Variants in SESTD1 observed in about 807,000 individuals in gnomAD.
The protein encoded by SESTD1 is SEC14 domain and spectrin repeat-containing protein 1.
A neutral mutation model predicts 101.7 loss-of-function variants in SESTD1; 43 were observed. The ratio of observed to expected loss-of-function variants is 0.42; its 90% CI spans 0.33 to 0.55. The LOEUF (loss-of-function observed/expected upper bound fraction) is 0.55. Among genes scored for constraint, SESTD1 ranks in the 20% least tolerant of loss-of-function variants. SESTD1 has a pLI of 0.07. For synonymous variants in SESTD1, 283 were observed against 286.8 expected (o/e 0.99, Z 0.13); for missense variants, 647 against 815.1 (o/e 0.79, Z 2.51).
intron 1 of SESTD1, among the ~76,000 whole-genome samples, chr2:179,256,669 G>A (rs934967849): frequency 5.3e-5 from 8 of 151,972 alleles, no homozygotes; most frequent in African/African-American, 9.7e-5. Context: ...AAAATGAGCC[G>A]GGCATGGTGG....
rs1453150629 is a variant in SESTD1, at chr2:179,264,790, G to A, written c.-317C>T. On this transcript the variant is annotated 5_prime_UTR_variant, in exon 1 of 18. Coordinates refer to ENST00000428443, the MANE Select transcript of SESTD1 (RefSeq NM_178123.5). ...TCCGCGCGACCCCGCGCGCGCCCGG[G>A]TGACGGCGGTACAGCAACCCGCCCG... 1 of 151,724 alleles carries A rather than the reference G, an allele frequency of 6.6e-6. No individual in the cohort carries two copies. 9.4% of individuals were successfully genotyped at this position (151,724 alleles called of 1,614,324 possible). A position where few individuals can be genotyped will look rare whatever the true frequency, so the allele number is the denominator to read the frequency against.
At chr2:179,117,839 A>G (rs1027680512) in intron 13 of SESTD1, among the ~76,000 whole-genome samples, 36 of 152,244 alleles carry the variant, frequency 2.4e-4, no homozygotes, top group African/African-American at 8.7e-4. Flanking sequence ...AAACCCTCTT[A>G]AAGATAGCAT....
At position 179,172,136 on chromosome 2, in the gene SESTD1, T is replaced by G; in HGVS notation, c.353A>C (p.Asp118Ala). The stretch of plus-strand genomic sequence containing the variant: ...TACATTTACCTCAAAGCCAAGTCTA[T>G]CCTTCTCCTTCCAAAAACAAAAATG... ...VTHFCFWKEK[D>A]RLGFEVILVS... The change falls in exon 5 of 18, where the codon GAT becomes GCT. Residue 118 changes from aspartate to alanine, a missense_variant. Asp to Ala is a moderately radical substitution (Grantham distance 126). Coordinates refer to ENST00000428443, the MANE Select transcript of SESTD1 (RefSeq NM_178123.5). 1.2e-6 allele frequency: 2 copies of G among 1,607,278 alleles called. No homozygotes were observed. The highest frequency in any genetic ancestry group is 1.7e-6 in the Non-Finnish European group (2 of 1,174,988).
intron 1 of SESTD1, among the ~76,000 whole-genome samples, chr2:179,253,061 A>C (rs2047341516): frequency 6.6e-6 from 1 of 152,144 alleles, no homozygotes; most frequent in African/African-American, 2.4e-5. Context: ...GGCTAGGCTG[A>C]CCTCACAGAC....
In SESTD1 at chr2:179,104,210, G is replaced by C. The variant is rs370485142; in HGVS notation, c.*5689C>G. On this transcript the variant is annotated 3_prime_UTR_variant, in exon 18 of 18. Coordinates refer to ENST00000428443, the MANE Select transcript of SESTD1 (RefSeq NM_178123.5). ...CTCTTAAAGGCTTCTGAGACTATTC[G>C]TAAGTGTGATGTGAGCAATCAGTTC... The C allele has an allele frequency of 4.6e-5, 7 of 152,130 alleles. No individual in the cohort carries two copies. The highest frequency in any genetic ancestry group is 2.1e-4 in the South Asian group (1 of 4,830). The allele number at this position is 152,130 out of a possible 1,614,324, so 9.4% of individuals were successfully genotyped here. A position where few individuals can be genotyped will look rare whatever the true frequency, so the allele number is the denominator to read the frequency against.
At chr2:179,119,182 A>T (rs1009786275) in intron 13 of SESTD1, among the ~76,000 whole-genome samples, 4 of 152,240 alleles carry the variant, frequency 2.6e-5, no homozygotes, top group Admixed American at 6.5e-5. Context: ...TATGAAAATT[A>T]CACTTATATA....
chr2:179,195,449 C>T lies in SESTD1; in HGVS notation c.-25-3583G>A, dbSNP rs143895508. ...CATGCAGAACTGTGAGTGAATTAAA[C>T]CTCCTTTGTTTACAAATTACCCAGT... On this transcript the variant is annotated intron_variant, in intron 1 of 17. Transcript: ENST00000428443. Among the ~76,000 whole-genome samples, 193 of 152,342 alleles carry T rather than the reference C, an allele frequency of 1.3e-3. 1 individual carries two copies. The highest frequency in any genetic ancestry group is 4.4e-3 in the African/African-American group (183 of 41,588).
chr2:179,143,860 TC>T lies in SESTD1; in HGVS notation c.638-58del, dbSNP rs770490478. On this transcript the variant is annotated intron_variant, in intron 8 of 17. Transcript: ENST00000428443. ...TCTGTAAAGAAATGTAATTCTCACT[TC>T]TCAATATTCCCAATTCTAGTCCCTT... The T allele has an allele frequency of 3.1e-4, 480 of 1,557,424 alleles. 2 individuals are homozygous for T. The highest frequency in any genetic ancestry group is 5.1e-5 in the Non-Finnish European group (58 of 1,146,946).
At chr2:179,188,173 G>C (rs773410471) in intron 2 of SESTD1, among the ~76,000 whole-genome samples, 1 of 151,922 alleles carries the variant, frequency 6.6e-6, no homozygotes, top group African/African-American at 2.4e-5. Context: ...CCAACCACAG[G>C]CTCAGCCATA....
Position 179,191,851 on chromosome 2 carries a change from G to C in SESTD1, c.-10C>G, listed in dbSNP as rs2046324665. The C allele has an allele frequency of 6.2e-7, 1 of 1,608,102 alleles. No individual in the cohort carries two copies. Among genetic ancestry groups the C allele is most frequent in the Non-Finnish European group, 8.5e-7 (1 of 1,176,800 alleles). ...TTACTGAGGCCTCCATTTTACTCCA[G>C]TGAACTTCCTTAATTCTGAAAACAC... On this transcript the variant is annotated 5_prime_UTR_variant, in exon 2 of 18. Coordinates refer to ENST00000428443, the MANE Select transcript of SESTD1 (RefSeq NM_178123.5).
In SESTD1 at chr2:179,107,537, ATATTGAG is replaced by A. The variant is rs991057683; in HGVS notation, c.*2355_*2361del. The A allele has an allele frequency of 3.3e-5, 5 of 152,174 alleles. No homozygotes were observed. Among genetic ancestry groups the A allele is most frequent in the African/African-American group, 1.2e-4 (5 of 41,452 alleles). 9.4% of individuals were successfully genotyped at this position (152,174 alleles called of 1,614,324 possible). On this transcript the variant is annotated 3_prime_UTR_variant, in exon 18 of 18. Transcript: ENST00000428443. The stretch of plus-strand genomic sequence containing the variant: ...CTACTCTGAAATTCAGAAGAAACAG[ATATTGAG>A]TATTGATATTTAGTTATTGAGTATA...
At chr2:179,260,187 T>C (rs1177782018) in intron 1 of SESTD1, among the ~76,000 whole-genome samples, 2 of 152,310 alleles carry the variant, frequency 1.3e-5, no homozygotes, top group South Asian at 2.1e-4. Context: ...AGCTCACATA[T>C]CATTTAATAT....
intron 1 of SESTD1, among the ~76,000 whole-genome samples, chr2:179,225,613 A>G (rs1009045780): frequency 6.6e-6 from 1 of 152,178 alleles, no homozygotes; most frequent in Non-Finnish European, 1.5e-5. Flanking sequence ...GTCCATGATC[A>G]AGGCACCACC....
intron 9 of SESTD1, among the ~76,000 whole-genome samples, chr2:179,140,676 T>C (rs1015833642): frequency 4.6e-5 from 7 of 152,232 alleles, no homozygotes; most frequent in Admixed American, 1.3e-4. Context: ...GACTTGTCTA[T>C]ACTCATTGCT....
At chr2:179,159,410 T>G (rs2045691332) in intron 5 of SESTD1, among the ~76,000 whole-genome samples, 2 of 152,196 alleles carry the variant, frequency 1.3e-5, no homozygotes, top group Non-Finnish European at 2.9e-5. Flanking sequence ...GTGATTTCAC[T>G]GCTGTGAATT....
intron 1 of SESTD1, among the ~76,000 whole-genome samples, chr2:179,256,871 A>G (rs2047402519): frequency 6.6e-6 from 1 of 152,118 alleles, no homozygotes; most frequent in Non-Finnish European, 1.5e-5. Flanking sequence ...GAGCAAAGCA[A>G]GTAGTTTCTT....
At chr2:179,152,003 A>G (rs1559116304) in intron 5 of SESTD1, among the ~76,000 whole-genome samples, 3 of 152,216 alleles carry the variant, frequency 2.0e-5, no homozygotes, top group South Asian at 2.1e-4. Flanking sequence ...TACAAATTAA[A>G]TAAGTACCTA....
At chr2:179,163,327 T>G (rs1246663134) in intron 5 of SESTD1, among the ~76,000 whole-genome samples, 1 of 152,178 alleles carries the variant, frequency 6.6e-6, no homozygotes, top group African/African-American at 2.4e-5. Flanking sequence ...TTTAAGAATG[T>G]GGAGTGGATG....
intron 8 of SESTD1, among the ~76,000 whole-genome samples, chr2:179,144,426 C>T (rs908877792): frequency 6.6e-6 from 1 of 151,868 alleles, no homozygotes; most frequent in African/African-American, 2.4e-5. Flanking sequence ...TGAATAATAA[C>T]GGGCCATACT....
Sources: allele counts gnomAD v4.1 joint callset (sites outside exome capture counted in the v4.1 genomes callset), GRCh38; gene constraint gnomAD v4.1.1; transcripts MANE v1.5; gene names NCBI Gene and HGNC (gene_info 2026-07-23, HGNC 2026-07-21).